Variants in CFAP54 observed in about 807,000 individuals in gnomAD.
CFAP54 encodes the protein cilia and flagella associated protein 54.
In CFAP54, 290 loss-of-function variants were observed where a neutral mutation model predicts 370.4. The observed-to-expected ratio is 0.78, with a 90% CI of 0.71 to 0.86. CFAP54 has a LOEUF of 0.86. Among genes scored for constraint, CFAP54 ranks in the 40% least tolerant of loss-of-function variants. The pLI is 0.00. For missense variants in CFAP54, 3,399 were observed against 3,528.7 expected, an observed-to-expected ratio of 0.96 and a Z score of 0.93; for synonymous variants, 1,206 against 1,236.5, an observed-to-expected ratio of 0.98 and a Z score of 0.52.
intron 26 of CFAP54, among the ~76,000 whole-genome samples, chr12:96,613,329 T>C (rs955096556): frequency 6.6e-6 from 1 of 151,962 alleles, no homozygotes; most frequent in Non-Finnish European, 1.5e-5. Flanking sequence ...AATGAGAACA[T>C]AGACACAACA....
chr12:96,583,946 C>T (rs530209304), intron 22 of CFAP54, among the ~76,000 whole-genome samples: 2 of 152,164 alleles, frequency 1.3e-5, no homozygotes, highest in African/African-American at 4.8e-5. Context: ...TTATTCTCTC[C>T]CTGTGTTGGT....
intron 42 of CFAP54, among the ~76,000 whole-genome samples, chr12:96,688,541 A>C (rs939495296): frequency 6.6e-5 from 10 of 152,234 alleles, no homozygotes; most frequent in Admixed American, 2.6e-4. Context: ...TCTGTATGAT[A>C]AAACATTAAA....
chr12:96,620,815 A>G lies in CFAP54; in HGVS notation c.3640-775A>G, dbSNP rs146284199. Among the ~76,000 whole-genome samples, 139 of 152,372 alleles carry G rather than the reference A, an allele frequency of 9.1e-4. 2 individuals carry two copies. Among genetic ancestry groups the G allele is most frequent in the Admixed American group, 1.4e-3 (21 of 15,308 alleles). On this transcript the variant is annotated intron_variant, in intron 26 of 67. Coordinates refer to ENST00000524981, the MANE Select transcript of CFAP54 (RefSeq NM_001306084.2). ...TTTTAATGGCAAGGTGAAGCTGTAT[A>G]AACAAGGTGCAGACAGCTGTTCTGG...
intron 27 of CFAP54, 150 bp downstream of exon 27, chr12:96,621,871 GTTTGTT>G (rs1565917735): frequency 4.7e-4 from 24 of 51,420 alleles, no homozygotes; most frequent in South Asian, 1.6e-3. Context: ...GAGCTTTTGG[GTTTGTT>G]TTTTTTTTTT....
chr12:96,611,857 A>G lies in CFAP54; in HGVS notation c.3640-9733A>G, dbSNP rs1956362009. ...GAAGTTTAGAGAAAAAAGAGTAAAA[A>G]TAAATGAACAAAGCCTCCAAGAAAT... is the stretch of plus-strand genomic sequence containing the variant. On this transcript the variant is annotated intron_variant, in intron 26 of 67. Coordinates refer to ENST00000524981, the MANE Select transcript of CFAP54 (RefSeq NM_001306084.2). Among the ~76,000 whole-genome samples, 7 of 152,360 alleles carry G rather than the reference A, an allele frequency of 4.6e-5. No homozygotes were observed. In the South Asian group the frequency reaches 1.4e-3, roughly 32 times the overall value.
chr12:96,521,763 T>G (rs975014038), intron 6 of CFAP54, 94 bp from the exon 7 acceptor site: 17 of 930,256 alleles, frequency 1.8e-5, no homozygotes, highest in Non-Finnish European at 2.7e-5. Flanking sequence ...ATTCACAGAT[T>G]AAATCAAATG....
At chr12:96,830,010 A>T (rs2136759421) in intron 66 of CFAP54, among the ~76,000 whole-genome samples, 1 of 152,266 alleles carries the variant, frequency 6.6e-6, no homozygotes, top group Non-Finnish European at 1.5e-5. Flanking sequence ...TTCACTTAGC[A>T]TAATGTTTTT....
chr12:96,736,731 G>A (rs1038453699), intron 50 of CFAP54, among the ~76,000 whole-genome samples: 1 of 152,124 alleles, frequency 6.6e-6, no homozygotes, highest in Non-Finnish European at 1.5e-5. Flanking sequence ...AGGATGCAAG[G>A]CAAAAGGCAT....
At chr12:96,522,305 C>T (rs981173137) in intron 8 of CFAP54, 116 bp downstream of exon 8, 3 of 655,804 alleles carry the variant, frequency 4.6e-6, no homozygotes, top group African/African-American at 3.7e-5. Flanking sequence ...AGTTCTCTGC[C>T]CTAATGGGTA....
intron 51 of CFAP54, among the ~76,000 whole-genome samples, chr12:96,741,324 G>A (rs1296906933): frequency 2.0e-5 from 3 of 152,078 alleles, no homozygotes; most frequent in Admixed American, 2.0e-4. Context: ...CTGCCACCAT[G>A]CCTGTCTAAT....
intron 26 of CFAP54, 23 bp downstream of exon 26, chr12:96,598,790 A>C (rs1442527616): frequency 3.6e-6 from 2 of 562,814 alleles, no homozygotes. Flanking sequence ...TTCTTTATCT[A>C]GTATTATAAT....
At chr12:96,726,718 C>G (rs1669629105) in intron 50 of CFAP54, among the ~76,000 whole-genome samples, 1 of 152,136 alleles carries the variant, frequency 6.6e-6, no homozygotes, top group South Asian at 2.1e-4. Context: ...CTTCTGCTAG[C>G]TTTTGAATGT....
chr12:96,558,314 A>C (rs1013258615), intron 17 of CFAP54, among the ~76,000 whole-genome samples: 7 of 152,198 alleles, frequency 4.6e-5, no homozygotes, highest in African/African-American at 1.7e-4. Context: ...GACAAGAGAA[A>C]GAAAGAAAGG....
intron 25 of CFAP54, among the ~76,000 whole-genome samples, chr12:96,595,903 T>C (rs903140817): frequency 2.6e-5 from 4 of 152,130 alleles, no homozygotes; most frequent in African/African-American, 7.2e-5. Flanking sequence ...TGAACCTTCA[T>C]TGAGTCTATT....
At chr12:96,552,751 T>C (rs1473895068) in intron 15 of CFAP54, among the ~76,000 whole-genome samples, 1 of 152,094 alleles carries the variant, frequency 6.6e-6, no homozygotes, top group African/African-American at 2.4e-5. Flanking sequence ...TGAACTGGAG[T>C]AGGCTTATAC....
At chr12:96,541,335 G>C (rs1182476223) in intron 14 of CFAP54, among the ~76,000 whole-genome samples, 4 of 148,200 alleles carry the variant, frequency 2.7e-5, no homozygotes, top group Non-Finnish European at 5.9e-5. Flanking sequence ...GCCCAGGCTG[G>C]AGTGCAGTGG....
At chr12:96,684,517 C>T in intron 40 of CFAP54, 131 bp from the exon 41 acceptor site, 1 of 668,458 alleles carries the variant, frequency 1.5e-6, no homozygotes, top group Non-Finnish European at 2.6e-6. Flanking sequence ...TTTGAAGGCG[C>T]TGTTAACTTG....
At chr12:96,735,457 C>G (rs906584653) in intron 50 of CFAP54, among the ~76,000 whole-genome samples, 2 of 152,160 alleles carry the variant, frequency 1.3e-5, no homozygotes, top group African/African-American at 4.8e-5. Flanking sequence ...GGAACTACTC[C>G]AGCCAACAGA....
intron 48 of CFAP54, among the ~76,000 whole-genome samples, chr12:96,717,520 A>G (rs1267091029): frequency 6.6e-6 from 1 of 152,204 alleles, no homozygotes. Context: ...TTGTAGTCAA[A>G]TGATTTGTGG....
Sources: gnomAD v4.1 joint callset for allele counts (sites outside exome capture counted in the v4.1 genomes callset) on GRCh38, gnomAD v4.1.1 for gene constraint, MANE v1.5 for transcripts, NCBI Gene and HGNC (gene_info 2026-07-23, HGNC 2026-07-21) for gene names.